Variants in DOCK4 observed in about 807,000 individuals in gnomAD.
DOCK4 encodes the protein dedicator of cytokinesis protein 4.
DOCK4 carries 97 observed loss-of-function variants against 268.1 expected under a neutral mutation model. That is an observed-to-expected ratio of 0.36 (90% confidence interval 0.31 to 0.43). DOCK4 has a LOEUF of 0.43. Ranked by LOEUF, DOCK4 falls within the 20% of genes least tolerant of loss-of-function variation. The pLI is 1.00. For synonymous variants in DOCK4, 954 were observed against 887.2 expected (o/e 1.08, Z -1.34); for missense variants, 2,145 against 2,455.7 (o/e 0.87, Z 2.67).
At chr7:112,200,725 T>TTAAAAA (rs1554478846) in intron 1 of DOCK4, among the ~76,000 whole-genome samples, 13 of 102,762 alleles carry the variant, frequency 1.3e-4, no homozygotes, top group Admixed American at 3.4e-4. Context: ...GCCTCTAAAA[T>TTAAAAA]AAAAAAAAAA....
intron 1 of DOCK4, among the ~76,000 whole-genome samples, chr7:112,029,399 T>C (rs974445052): frequency 6.6e-6 from 1 of 152,200 alleles, no homozygotes; most frequent in East Asian, 1.9e-4. Context: ...GTTCTGGATA[T>C]GAAACTGTTG....
intron 1 of DOCK4, among the ~76,000 whole-genome samples, chr7:112,108,453 A>G (rs1282055037): frequency 1.3e-5 from 2 of 152,194 alleles, no homozygotes; most frequent in African/African-American, 4.8e-5. Context: ...TCTGAATTAA[A>G]ATTTCTACTT....
intron 42 of DOCK4, among the ~76,000 whole-genome samples, chr7:111,747,898 T>G (rs137991134): frequency 1.3e-5 from 2 of 152,252 alleles, no homozygotes; most frequent in African/African-American, 2.4e-5. Context: ...TTCAGCCCAG[T>G]TGGGAAGATG....
At chr7:112,092,226 T>G (rs1809697723) in intron 1 of DOCK4, among the ~76,000 whole-genome samples, 1 of 152,198 alleles carries the variant, frequency 6.6e-6, no homozygotes, top group Admixed American at 6.5e-5. Flanking sequence ...ACATCTTCCC[T>G]CTTGTTTATC....
chr7:112,071,974 G>T (rs1190182278), intron 1 of DOCK4, among the ~76,000 whole-genome samples: 1 of 152,152 alleles, frequency 6.6e-6, no homozygotes, highest in Non-Finnish European at 1.5e-5. Flanking sequence ...GACTATCATA[G>T]ATTGAAGTAG....
intron 13 of DOCK4, among the ~76,000 whole-genome samples, chr7:111,908,704 C>G (rs1791826618): frequency 6.6e-6 from 1 of 151,894 alleles, no homozygotes; most frequent in South Asian, 2.1e-4. Flanking sequence ...CCCCTTGCCC[C>G]CCACCGCCCC....
intron 30 of DOCK4, among the ~76,000 whole-genome samples, chr7:111,791,926 G>T (rs1799577241): frequency 6.6e-6 from 1 of 151,906 alleles, no homozygotes; most frequent in African/African-American, 2.4e-5. Flanking sequence ...TTTAAATAGT[G>T]GTCCCCCCAA....
At chr7:111,896,337 A>G (rs910533540) in intron 15 of DOCK4, among the ~76,000 whole-genome samples, 1 of 152,220 alleles carries the variant, frequency 6.6e-6, no homozygotes, top group African/African-American at 2.4e-5. Context: ...AAATGAGGCG[A>G]TGAGGTTTTC....
intron 1 of DOCK4, among the ~76,000 whole-genome samples, chr7:112,080,492 G>A (rs1319745608): frequency 6.6e-6 from 1 of 152,166 alleles, no homozygotes; most frequent in South Asian, 2.1e-4. Flanking sequence ...ATATCTGCCA[G>A]TTTTTGTTTA....
At chr7:111,746,444 A>G (rs1000456601) in intron 43 of DOCK4, 27 bp from the exon 44 acceptor site, 20 of 1,492,226 alleles carry the variant, frequency 1.3e-5, no homozygotes, top group Non-Finnish European at 1.8e-5. Flanking sequence ...GAATCAGTCT[A>G]CTTTAGTGGA....
At chr7:112,097,230 A>C (rs929665493) in intron 1 of DOCK4, among the ~76,000 whole-genome samples, 1 of 152,186 alleles carries the variant, frequency 6.6e-6, no homozygotes, top group African/African-American at 2.4e-5. Flanking sequence ...ATCCCAGGGA[A>C]GGTCTGAACA....
In DOCK4 at chr7:111,977,198, GA is replaced by G; in HGVS notation, c.634del (p.Ser212ProfsTer28). 1 of 1,612,348 alleles carries G rather than the reference GA, an allele frequency of 6.2e-7. No individual in the cohort carries two copies. Among genetic ancestry groups the G allele is most frequent in the Non-Finnish European group, 8.5e-7 (1 of 1,179,328 alleles). The stretch of plus-strand genomic sequence containing the variant: ...GACCTCCAGCTCCTCTCCCAGGTTG[GA>G]ACACATGAGGCTCTTCATCTGGACA... ...LFVQMKSLMC[S>X]NLGEELEVIF... On this transcript the variant is annotated frameshift_variant, in exon 8 of 53. Coordinates refer to ENST00000428084, the MANE Select transcript of DOCK4 (RefSeq NM_001363540.2). LOFTEE classifies it high-confidence loss of function.
At chr7:111,751,726 T>G (rs956295033) in intron 42 of DOCK4, among the ~76,000 whole-genome samples, 3 of 152,180 alleles carry the variant, frequency 2.0e-5, no homozygotes, top group Non-Finnish European at 4.4e-5. Context: ...ATTACAGGTA[T>G]GAGCCGCCAT....
chr7:112,061,068 T>TC (rs1806341919), intron 1 of DOCK4, among the ~76,000 whole-genome samples: 3 of 152,198 alleles, frequency 2.0e-5, no homozygotes, highest in East Asian at 1.9e-4. Context: ...TTCCTTTTTT[T>TC]CCCACATGAA....
chr7:111,874,041 G>C (rs1806644966), intron 17 of DOCK4, among the ~76,000 whole-genome samples: 1 of 152,264 alleles, frequency 6.6e-6, no homozygotes, highest in South Asian at 2.1e-4. Context: ...CACAGAGTGA[G>C]ACTCAGGGCG....
chr7:111,861,875 T>C (rs745543480), intron 23 of DOCK4, among the ~76,000 whole-genome samples: 59 of 152,028 alleles, frequency 3.9e-4, no homozygotes, highest in African/African-American at 1.4e-3. Context: ...CCATACTATA[T>C]ATTTTTAAAG....
At chr7:111,815,171 T>C (rs1801445729) in intron 27 of DOCK4, among the ~76,000 whole-genome samples, 1 of 152,236 alleles carries the variant, frequency 6.6e-6, no homozygotes, top group African/African-American at 2.4e-5. Flanking sequence ...TGGGTCTATT[T>C]AGTGCTTGAT....
At chr7:111,955,965 C>T (rs778059140) in intron 8 of DOCK4, among the ~76,000 whole-genome samples, 2 of 152,126 alleles carry the variant, frequency 1.3e-5, no homozygotes, top group Non-Finnish European at 2.9e-5. Context: ...CTCTGGAGAA[C>T]TCATTAAGAA....
At chr7:112,200,564 G>T (rs547285569) in intron 1 of DOCK4, among the ~76,000 whole-genome samples, 1 of 152,014 alleles carries the variant, frequency 6.6e-6, no homozygotes, top group African/African-American at 2.4e-5. Flanking sequence ...TATATTCACA[G>T]CATGAAGTCA....
Sources: allele counts gnomAD v4.1 joint callset (sites outside exome capture counted in the v4.1 genomes callset), GRCh38; gene constraint gnomAD v4.1.1; transcripts MANE v1.5; gene names NCBI Gene and HGNC (gene_info 2026-07-23, HGNC 2026-07-21).